The following FSTL1 variants were observed in gnomAD, a reference collection of about 807,000 sequenced individuals.
FSTL1 encodes follistatin like 1.
FSTL1 carries 24 observed loss-of-function variants against 45.9 expected under a neutral mutation model. The ratio of observed to expected loss-of-function variants is 0.52; its 90% CI spans 0.38 to 0.74. The LOEUF (loss-of-function observed/expected upper bound fraction) is 0.74. FSTL1 is among the 30% of genes least tolerant of loss of function. FSTL1 has a pLI of 0.00. For missense variants in FSTL1, 340 were observed against 381.8 expected, an observed-to-expected ratio of 0.89 and a Z score of 0.91; for synonymous variants, 120 against 137.6, an observed-to-expected ratio of 0.87 and a Z score of 0.89.
At position 120,415,991 on chromosome 3, in the gene FSTL1, C is replaced by T; in HGVS notation, c.100G>A (p.Val34Met). The T allele has an allele frequency of 6.2e-7, 1 of 1,614,034 alleles. No homozygotes were observed. The highest frequency in any genetic ancestry group is 8.5e-7 in the Non-Finnish European group (1 of 1,179,872). Residue 34 changes from valine (V) to methionine (M), a missense_variant, in exon 3 of 11, where the codon GTG (valine) becomes ATG (methionine). By Grantham distance (21) the Val-to-Met change is conservative. Transcript: ENST00000295633. ...CATTCCCGGCCGGCTCCACAAAACA[C>T]ATTGGCACAGATCTTGGATTTGCTC... The part of the protein sequence containing the change: ...LRSKSKICAN[V>M]FCGAGRECAV...
chr3:120,406,442 G>A (rs1440124125), intron 6 of FSTL1, among the ~76,000 whole-genome samples: 1 of 151,904 alleles, frequency 6.6e-6, no homozygotes, highest in Admixed American at 6.6e-5. Flanking sequence ...ACTAGCTACA[G>A]ACCCAGTGCC....
Position 120,430,980 on chromosome 3 carries a change from AT to A in FSTL1, c.64-14954del, listed in dbSNP as rs568701813. Among the ~76,000 whole-genome samples, 773 of 151,680 alleles carry A rather than the reference AT, an allele frequency of 5.1e-3. 7 individuals are homozygous for A. The highest frequency in any genetic ancestry group is 0.018 in the African/African-American group (743 of 41,404). On this transcript the variant is annotated intron_variant, in intron 2 of 10. Transcript: ENST00000295633. ...GAATTTAAAATTTTCTAGTAGGTACATTTTTTTTTGAGACGAAGTCTCAATC... is the reference window on the plus strand; with the variant it reads ...GAATTTAAAATTTTCTAGTAGGTACATTTTTTTTGAGACGAAGTCTCAATC...
rs1253873462 is a variant in FSTL1, at chr3:120,414,780, C to T, written c.168+1143G>A. Among the ~76,000 whole-genome samples the T allele has an allele frequency of 2.1e-4, 32 of 151,812 alleles. No homozygotes were observed. In the South Asian group the frequency reaches 4.0e-3, roughly 19 times the overall value. Reference sequence around the variant, plus strand: ...TGCAAGATGTGCTTTGTTAAACAGACGCTTGAAGGCAGCATGCTCATTAAG... The same window carrying T: ...TGCAAGATGTGCTTTGTTAAACAGATGCTTGAAGGCAGCATGCTCATTAAG... On this transcript the variant is annotated intron_variant, in intron 3 of 10. Transcript: ENST00000295633.
chr3:120,410,879 T>C (rs771492253), intron 5 of FSTL1, 73 bp downstream of exon 5: 1 of 1,190,094 alleles, frequency 8.4e-7, no homozygotes, highest in Admixed American at 1.7e-5. Flanking sequence ...GCAGGGATTG[T>C]GGAACACAAA....
At chr3:120,409,462 A>G (rs202111551) in intron 6 of FSTL1, 70 bp downstream of exon 6, 981 of 1,380,654 alleles carry the variant, frequency 7.1e-4, no homozygotes, top group Non-Finnish European at 8.3e-4. Flanking sequence ...GGAAGGTGTG[A>G]TCGGGCAATG....
chr3:120,436,085 T>C (rs1048282836), intron 2 of FSTL1, among the ~76,000 whole-genome samples: 1 of 148,354 alleles, frequency 6.7e-6, no homozygotes, highest in African/African-American at 2.4e-5. Flanking sequence ...GTATCTAAAA[T>C]AGGACACGTA....
At chr3:120,431,165 T>C (rs935490548) in intron 2 of FSTL1, among the ~76,000 whole-genome samples, 56 of 152,162 alleles carry the variant, frequency 3.7e-4, no homozygotes, top group African/African-American at 1.3e-3. Flanking sequence ...AGAGACAGGG[T>C]TTCACCATGT....
At chr3:120,409,438 T>C in intron 6 of FSTL1, 94 bp downstream of exon 6, 2 of 1,136,310 alleles carry the variant, frequency 1.8e-6, no homozygotes, top group Non-Finnish European at 2.6e-6. Context: ...CAGGTTTACA[T>C]TTCCTGTGGT....
At chr3:120,401,773 G>T (rs1560010637) in intron 9 of FSTL1, among the ~76,000 whole-genome samples, 2 of 152,066 alleles carry the variant, frequency 1.3e-5, no homozygotes, top group Non-Finnish European at 2.9e-5. Flanking sequence ...GTAGGGACAT[G>T]GTCTCGCTAT....
In FSTL1 at chr3:120,415,938, G is replaced by C; in HGVS notation, c.153C>G (p.Thr51=). 1 of 1,610,470 alleles carries C rather than the reference G, an allele frequency of 6.2e-7. No homozygotes were observed. Among genetic ancestry groups the C allele is most frequent in the Non-Finnish European group, 8.5e-7 (1 of 1,176,682 alleles). ...CAGGACTTACCTCAATGCAGAGACAGGTGGGTTCCCCTTTCTCTGTGACTG... is the reference window on the plus strand; with the variant it reads ...CAGGACTTACCTCAATGCAGAGACACGTGGGTTCCCCTTTCTCTGTGACTG... The part of the protein sequence containing the change: ...ECAVTEKGEP[T]CLCIEQCKPH... Residue 51 remains threonine, a synonymous_variant, in exon 3 of 11, where the codon ACC becomes ACG. Transcript: ENST00000295633.
chr3:120,411,038 T>C, intron 4 of FSTL1, 54 bp from the exon 5 acceptor site: 1 of 1,355,130 alleles, frequency 7.4e-7, no homozygotes, highest in Non-Finnish European at 1.0e-6. Flanking sequence ...AAAAGAAAAT[T>C]TTTCTGTATT....
chr3:120,409,580 C>G lies in FSTL1; in HGVS notation c.414G>C (p.Trp138Cys). ...WLEAEIIPDG[W>C]FSKGSNYSEI... ...CACTGTAGTTGCTGCCTTTAGAGAA[C>G]CAGCCATCTGGAATGATCTCAGCTT... Residue 138 changes from tryptophan (W) to cysteine (C), a missense_variant, in exon 6 of 11, where the codon TGG becomes TGC. Transcript: ENST00000295633. 1 of 1,613,896 alleles carries G rather than the reference C, an allele frequency of 6.2e-7. No homozygotes were observed. The highest frequency in any genetic ancestry group is 8.5e-7 in the Non-Finnish European group (1 of 1,179,748).
chr3:120,430,364 A>G (rs1376426098), intron 2 of FSTL1, among the ~76,000 whole-genome samples: 1 of 152,164 alleles, frequency 6.6e-6, no homozygotes, highest in Non-Finnish European at 1.5e-5. Flanking sequence ...TATTGCACCT[A>G]TTACTCAGAC....
At chr3:120,442,928 C>G (rs1387693983) in intron 2 of FSTL1, among the ~76,000 whole-genome samples, 6 of 115,066 alleles carry the variant, frequency 5.2e-5, no homozygotes, top group Non-Finnish European at 9.7e-5. Flanking sequence ...GAACATCACA[C>G]TCTGGGGACT....
chr3:120,405,610 C>T (rs896098990), intron 6 of FSTL1, among the ~76,000 whole-genome samples: 14 of 152,204 alleles, frequency 9.2e-5, no homozygotes, highest in African/African-American at 3.1e-4. Flanking sequence ...GCAAAGTTCC[C>T]GCTCCTCTGC....
Position 120,395,841 on chromosome 3 carries a change from C to T in FSTL1, c.*1111G>A. On this transcript the variant is annotated 3_prime_UTR_variant, in exon 11 of 11. Transcript: ENST00000295633. Reference sequence around the variant, plus strand: ...GAAGAGACAGGGCCAACTCACCCTCCTAGTTAGTCGAATGAGCATATTGGT... The same window carrying T: ...GAAGAGACAGGGCCAACTCACCCTCTTAGTTAGTCGAATGAGCATATTGGT... The T allele has an allele frequency of 2.4e-6, 1 of 419,522 alleles. No individual in the cohort carries two copies. Among genetic ancestry groups the T allele is most frequent in the Non-Finnish European group, 4.7e-6 (1 of 212,090 alleles). 26.0% of individuals were successfully genotyped at this position (419,522 alleles called of 1,614,324 possible). A position where few individuals can be genotyped will look rare whatever the true frequency, so the allele number is the denominator to read the frequency against.
rs189329823 is a variant in FSTL1 at position 120,403,176 on chromosome 3, C to T, written c.694+66G>A. 5.5e-6 allele frequency: 5 copies of T among 909,332 alleles called. No homozygotes were observed. In the East Asian group the frequency reaches 7.2e-5, roughly 13 times the overall value. 56.3% of individuals were successfully genotyped at this position (909,332 alleles called of 1,614,324 possible). The stretch of plus-strand genomic sequence containing the variant: ...AGCTCTGGAGAGTTCCACCAATCCT[C>T]TCTATCTTGGCTCCTACAAAATGCC... On this transcript the variant is annotated intron_variant, in intron 8 of 10. Transcript: ENST00000295633.
In FSTL1 at chr3:120,404,368, C is replaced by T. The variant is rs535449435; in HGVS notation, c.581+485G>A. ...TGAAACCACATCAAAAGTTTCTTAG[C>T]GATTAGTTTTTATTAATATTGATTC... On this transcript the variant is annotated intron_variant, in intron 7 of 10. Transcript: ENST00000295633. Among the ~76,000 whole-genome samples the T allele has an allele frequency of 3.9e-5, 6 of 152,124 alleles. No individual in the cohort carries two copies. The East Asian group carries it at 7.7e-4, about 20-fold the overall frequency.
At chr3:120,417,161 A>G (rs979478300) in intron 2 of FSTL1, among the ~76,000 whole-genome samples, 1 of 152,238 alleles carries the variant, frequency 6.6e-6, no homozygotes, top group Non-Finnish European at 1.5e-5. Context: ...GGGGTAAGGC[A>G]GGGATGGAAC....
Sources: gnomAD v4.1 joint callset for allele counts (sites outside exome capture counted in the v4.1 genomes callset) on GRCh38, gnomAD v4.1.1 for gene constraint, MANE v1.5 for transcripts, NCBI Gene and HGNC (gene_info 2026-07-23, HGNC 2026-07-21) for gene names.